Variants in SLC41A2 observed in about 807,000 individuals in gnomAD.
The protein encoded by SLC41A2 is SLC41A1-like 1.
Under a neutral mutation model 58.3 loss-of-function variants are expected in SLC41A2, and 32 were observed. The ratio of observed to expected loss-of-function variants is 0.55; its 90% CI spans 0.41 to 0.74. The LOEUF is 0.74. SLC41A2 is among the 30% of genes least tolerant of loss of function. The probability of loss-of-function intolerance (pLI) is 0.00; values close to 1 mark genes in which losing one functional copy is unlikely to be tolerated. For missense variants in SLC41A2, 514 were observed against 680.6 expected (o/e 0.76, Z 2.72); for synonymous variants, 190 against 235.0 (o/e 0.81, Z 1.75).
At chr12:104,807,991 T>C (rs371233424) in intron 10 of SLC41A2, among the ~76,000 whole-genome samples, 1 of 152,222 alleles carries the variant, frequency 6.6e-6, no homozygotes, top group Non-Finnish European at 1.5e-5. Flanking sequence ...TTTCTAGATA[T>C]ACAATCATGT....
intron 1 of SLC41A2, among the ~76,000 whole-genome samples, chr12:104,949,322 AAC>A (rs1036049466): frequency 6.6e-6 from 1 of 152,254 alleles, no homozygotes; most frequent in African/African-American, 2.4e-5. Context: ...CAATATAAAA[AAC>A]AGTGTGGAAG....
intron 1 of SLC41A2, among the ~76,000 whole-genome samples, chr12:104,937,211 G>A (rs1471924976): frequency 6.6e-6 from 1 of 152,198 alleles, no homozygotes; most frequent in Non-Finnish European, 1.5e-5. Context: ...TGTAGCCTAA[G>A]TGTGTTTATA....
At chr12:104,952,103 G>A (rs1387049951) in intron 1 of SLC41A2, among the ~76,000 whole-genome samples, 1 of 152,016 alleles carries the variant, frequency 6.6e-6, no homozygotes, top group East Asian at 1.9e-4. Flanking sequence ...TCATTAACAT[G>A]ATTTCAACTG....
At chr12:104,926,716 A>T (rs1206028926) in intron 2 of SLC41A2, among the ~76,000 whole-genome samples, 2 of 152,224 alleles carry the variant, frequency 1.3e-5, no homozygotes, top group Non-Finnish European at 2.9e-5. Context: ...ACAATATGCT[A>T]AACATTAATA....
chr12:104,913,526 A>C (rs1356163169), intron 2 of SLC41A2, among the ~76,000 whole-genome samples: 1 of 152,180 alleles, frequency 6.6e-6, no homozygotes, highest in Non-Finnish European at 1.5e-5. Flanking sequence ...AAGGGGTATG[A>C]AGTTCCACTG....
At chr12:104,873,141 G>A (rs1027409747) in intron 6 of SLC41A2, among the ~76,000 whole-genome samples, 1 of 151,920 alleles carries the variant, frequency 6.6e-6, no homozygotes, top group Non-Finnish European at 1.5e-5. Flanking sequence ...CTGCAACTTT[G>A]TAGTCTTTGA....
chr12:104,842,076 G>A (rs1172233183), intron 10 of SLC41A2, among the ~76,000 whole-genome samples: 1 of 152,068 alleles, frequency 6.6e-6, no homozygotes, highest in Non-Finnish European at 1.5e-5. Context: ...AAAAAAGGAA[G>A]ACAATCTAGT....
chr12:104,807,594 C>A (rs1243670243), intron 10 of SLC41A2, among the ~76,000 whole-genome samples: 6 of 152,114 alleles, frequency 3.9e-5, no homozygotes, highest in African/African-American at 1.2e-4. Flanking sequence ...TTTTCCAATT[C>A]TGTGAAGAAA....
intron 7 of SLC41A2, among the ~76,000 whole-genome samples, chr12:104,862,509 C>A (rs143164401): frequency 3.9e-5 from 6 of 152,022 alleles, no homozygotes; most frequent in African/African-American, 1.4e-4. Context: ...TTTTTAGATT[C>A]CTGTTAAGCC....
chr12:104,931,297 T>G lies in SLC41A2; in HGVS notation c.-167-2603A>C, dbSNP rs1593165344. Among the ~76,000 whole-genome samples the G allele has an allele frequency of 2.6e-5, 4 of 152,254 alleles. No homozygotes were observed. In the East Asian group the frequency reaches 7.7e-4, roughly 29 times the overall value. On this transcript the variant is annotated intron_variant, in intron 1 of 10. Coordinates refer to ENST00000258538, the MANE Select transcript of SLC41A2 (RefSeq NM_001352171.3). Reference sequence around the variant, plus strand: ...TTCCTTTAGCTAATGGTATCTCCATTACCTATGGTAAATCCATTTCCCTAT... The same window carrying G: ...TTCCTTTAGCTAATGGTATCTCCATGACCTATGGTAAATCCATTTCCCTAT...
intron 3 of SLC41A2, among the ~76,000 whole-genome samples, chr12:104,903,131 G>A (rs138420019): frequency 1.9e-3 from 289 of 152,066 alleles, no homozygotes; most frequent in Middle Eastern, 3.4e-3. Flanking sequence ...AATTAATTCT[G>A]GACTCCAACC....
chr12:104,808,191 T>A (rs550501188), intron 10 of SLC41A2, among the ~76,000 whole-genome samples: 8 of 152,212 alleles, frequency 5.3e-5, no homozygotes, highest in Non-Finnish European at 7.4e-5. Flanking sequence ...CAGTATGATA[T>A]TGGCTGTGGG....
At chr12:104,839,654 C>T (rs1241831926) in intron 10 of SLC41A2, among the ~76,000 whole-genome samples, 1 of 152,048 alleles carries the variant, frequency 6.6e-6, no homozygotes, top group African/African-American at 2.4e-5. Context: ...CAGGCGTGCA[C>T]CACCACGCCC....
intron 10 of SLC41A2, among the ~76,000 whole-genome samples, chr12:104,824,544 A>G (rs2041768698): frequency 6.6e-6 from 1 of 152,194 alleles, no homozygotes; most frequent in African/African-American, 2.4e-5. Flanking sequence ...CCCATGTGTA[A>G]TCTGATTCTT....
chr12:104,837,561 G>T (rs1002466751), intron 10 of SLC41A2, among the ~76,000 whole-genome samples: 1 of 152,120 alleles, frequency 6.6e-6, no homozygotes, highest in African/African-American at 2.4e-5. Flanking sequence ...CCAGACTGGA[G>T]ATATCAGTCT....
intron 3 of SLC41A2, among the ~76,000 whole-genome samples, chr12:104,902,204 C>T (rs2045599213): frequency 6.6e-6 from 1 of 152,130 alleles, no homozygotes; most frequent in Non-Finnish European, 1.5e-5. Flanking sequence ...ACTAATTCAC[C>T]CTTCTCCCTG....
At chr12:104,861,614 GA>G (rs1341486059) in intron 7 of SLC41A2, among the ~76,000 whole-genome samples, 1 of 152,102 alleles carries the variant, frequency 6.6e-6, no homozygotes, top group Non-Finnish European at 1.5e-5. Flanking sequence ...CTTGTGAAAA[GA>G]AAAAGCATAC....
At chr12:104,821,564 A>G (rs2041639899) in intron 10 of SLC41A2, among the ~76,000 whole-genome samples, 1 of 152,264 alleles carries the variant, frequency 6.6e-6, no homozygotes, top group Non-Finnish European at 1.5e-5. Flanking sequence ...ACTTACATAT[A>G]TGAATGAATC....
chr12:104,897,280 T>A (rs762252951), intron 3 of SLC41A2, among the ~76,000 whole-genome samples: 7 of 151,540 alleles, frequency 4.6e-5, no homozygotes, highest in Admixed American at 4.6e-4. Flanking sequence ...CAAGTAGCTG[T>A]GATTACAGGT....
Sources: allele counts gnomAD v4.1 joint callset (sites outside exome capture counted in the v4.1 genomes callset), GRCh38; gene constraint gnomAD v4.1.1; transcripts MANE v1.5; gene names NCBI Gene and HGNC (gene_info 2026-07-23, HGNC 2026-07-21).